FAM135A: variants seen among roughly 807,000 people sequenced by gnomAD.
FAM135A encodes the protein family with sequence similarity 135 member A, also known as protein FAM135A.
In FAM135A, 79 loss-of-function variants were observed where a neutral mutation model predicts 146.8. The ratio of observed to expected loss-of-function variants is 0.54; its 90% CI spans 0.45 to 0.65. The LOEUF (loss-of-function observed/expected upper bound fraction) is 0.65, where lower values mean the gene tolerates loss of function less well. FAM135A is among the 30% of genes least tolerant of loss of function. The pLI, the probability that FAM135A is intolerant of heterozygous loss-of-function variation, is 0.00. For missense variants in FAM135A, 1,623 were observed against 1,758.2 expected, an observed-to-expected ratio of 0.92 and a Z score of 1.38; for synonymous variants, 562 against 603.6, an observed-to-expected ratio of 0.93 and a Z score of 1.01.
rs1281557294 is a variant in FAM135A at position 70,538,835 on chromosome 6, A to ATTATATTATG, written c.4228+443_4228+444insGTTATATTAT. Among the ~76,000 whole-genome samples the ATTATATTATG allele has an allele frequency of 6.9e-3, 1,004 of 146,064 alleles. 10 individuals carry two copies. The highest frequency in any genetic ancestry group is 0.024 in the African/African-American group (948 of 39,842). On this transcript the variant is annotated intron_variant, in intron 20 of 21. Coordinates refer to ENST00000418814, the MANE Select transcript of FAM135A (RefSeq NM_001162529.3). ...ATTATATTATATTATATTATATTAT[A>ATTATATTATG]TTATATTATATTATATTATATTATA...
intron 4 of FAM135A, among the ~76,000 whole-genome samples, chr6:70,450,259 G>A (rs1776732209): frequency 6.6e-6 from 1 of 151,970 alleles, no homozygotes; most frequent in East Asian, 1.9e-4. Flanking sequence ...CTCTTCAGAA[G>A]CTTTTTAATT....
intron 12 of FAM135A, among the ~76,000 whole-genome samples, chr6:70,509,710 A>G (rs1382431225): frequency 6.6e-6 from 1 of 152,186 alleles, no homozygotes; most frequent in Non-Finnish European, 1.5e-5. Context: ...TTCCCATTTT[A>G]TAAAAGAAAT....
At chr6:70,439,482 CT>C (rs1173704186) in intron 4 of FAM135A, among the ~76,000 whole-genome samples, 3 of 152,068 alleles carry the variant, frequency 2.0e-5, no homozygotes. Flanking sequence ...CACTTTCAAC[CT>C]TTCTCTTTCC....
rs199715081 is a variant in FAM135A, at chr6:70,475,782, T to A, written c.368+49T>A. 15 of 1,399,366 alleles carry A rather than the reference T, an allele frequency of 1.1e-5. No homozygotes were observed. The East Asian group carries it at 3.2e-4, about 30-fold the overall frequency. The allele number at this position is 1,399,366 out of a possible 1,614,324, so 86.7% of individuals were successfully genotyped here. ...ACCTTTAGGCACTTATGACTGTTATTTGTTATTATTAGATTGCCCATTTTC... is the reference window on the plus strand; with the variant it reads ...ACCTTTAGGCACTTATGACTGTTATATGTTATTATTAGATTGCCCATTTTC... On this transcript the variant is annotated intron_variant, in intron 7 of 21. Transcript: ENST00000418814.
chr6:70,486,097 G>A (rs910973760), intron 10 of FAM135A: 3 of 1,358,812 alleles, frequency 2.2e-6, no homozygotes, highest in Middle Eastern at 1.8e-4. Flanking sequence ...TTAACAAGTT[G>A]GAAAATTCTA....
chr6:70,458,875 C>G (rs114213987), intron 5 of FAM135A, among the ~76,000 whole-genome samples: 3,114 of 152,212 alleles, frequency 0.02, 107 homozygotes, highest in African/African-American at 0.071. Context: ...ATATCCTTCC[C>G]TCAAAATTTC....
At chr6:70,524,215 GT>G (rs1794217785) in intron 14 of FAM135A, 94 bp downstream of exon 14, 1 of 1,402,840 alleles carries the variant, frequency 7.1e-7, no homozygotes, top group Non-Finnish European at 9.5e-7. Flanking sequence ...ATGTGGAATA[GT>G]TTTTTTCCCT....
intron 12 of FAM135A, among the ~76,000 whole-genome samples, chr6:70,510,952 G>A (rs529352715): frequency 6.6e-6 from 1 of 151,854 alleles, no homozygotes; most frequent in East Asian, 1.9e-4. Flanking sequence ...TTTTTGTTTT[G>A]GGGTTTTTAT....
chr6:70,473,162 A>G (rs1781944936), intron 5 of FAM135A, among the ~76,000 whole-genome samples: 2 of 152,150 alleles, frequency 1.3e-5, no homozygotes, highest in African/African-American at 2.4e-5. Flanking sequence ...ATTCTCTTCC[A>G]GCTAGCTTCT....
chr6:70,459,861 C>G (rs980451094), intron 5 of FAM135A, among the ~76,000 whole-genome samples: 27 of 152,252 alleles, frequency 1.8e-4, no homozygotes, highest in African/African-American at 5.5e-4. Context: ...AACCCCGTCT[C>G]TACGACAAAT....
intron 20 of FAM135A, among the ~76,000 whole-genome samples, chr6:70,552,171 A>G (rs995724607): frequency 6.6e-6 from 1 of 152,192 alleles, no homozygotes; most frequent in African/African-American, 2.4e-5. Context: ...CAATACTAAC[A>G]AACATCTGGC....
rs1394229449 is a variant in FAM135A, at chr6:70,525,207, T to C, written c.2123T>C (p.Ile708Thr). 1 of 1,598,018 alleles carries C rather than the reference T, an allele frequency of 6.3e-7. No homozygotes were observed. Among genetic ancestry groups the C allele is most frequent in the Non-Finnish European group, 8.5e-7 (1 of 1,174,730 alleles). ...SLESNGKSKS[I>T]EITFEKEALQ... is the part of the protein sequence containing the mutation. ...GAATCTAATGGTAAATCTAAATCTA[T>C]AGAAATAACATTTGAAAAGGAAGCT... The change falls in exon 15 of 22, where the codon ATA becomes ACA. Residue 708 changes from isoleucine to threonine, a missense_variant. Physicochemically the swap from Ile to Thr is moderately conservative, Grantham distance 89. Transcript: ENST00000418814.
intron 12 of FAM135A, among the ~76,000 whole-genome samples, chr6:70,507,860 C>T (rs570254913): frequency 1.3e-5 from 2 of 151,406 alleles, no homozygotes; most frequent in Non-Finnish European, 3.0e-5. Context: ...ACAGTTTACA[C>T]AAAAAGCAAA....
chr6:70,516,597 G>C (rs1003755998), intron 12 of FAM135A, among the ~76,000 whole-genome samples: 3 of 139,652 alleles, frequency 2.1e-5, no homozygotes, highest in Non-Finnish European at 4.5e-5. Flanking sequence ...GTGCAGTGGC[G>C]TGACCTCGGC....
chr6:70,536,345 A>G lies in FAM135A; in HGVS notation c.4051A>G (p.Thr1351Ala). ...TAAATATTACCTCAACAAACTTCATACCTTTCTGTCTCTTTCTGGACCTCA... is the reference window on the plus strand; with the variant it reads ...TAAATATTACCTCAACAAACTTCATGCCTTTCTGTCTCTTTCTGGACCTCA... ...RFKYYLNKLH[T>A]FLSLSGPHLG... The change falls in exon 19 of 22, where the codon ACC (threonine) becomes GCC (alanine). Residue 1351 changes from threonine to alanine, a missense_variant. By Grantham distance (58) the Thr-to-Ala change is moderately conservative (BLOSUM62 0). This residue lies in a region of FAM135A where 1,061 missense variants were observed against 1,113.8 expected (regional missense o/e 0.95). Coordinates refer to ENST00000418814, the MANE Select transcript of FAM135A (RefSeq NM_001162529.3). The G allele has an allele frequency of 6.2e-7, 1 of 1,613,418 alleles. No individual in the cohort carries two copies. The highest frequency in any genetic ancestry group is 8.5e-7 in the Non-Finnish European group (1 of 1,179,696).
In FAM135A at chr6:70,525,313, A is replaced by G. The variant is rs1393982932; in HGVS notation, c.2229A>G (p.Glu743=). ...ATCTACCTGCCCCTTCTACAAAAGAATATCATGTTGTAGTAAGTGGAGATA... is the reference window on the plus strand; with the variant it reads ...ATCTACCTGCCCCTTCTACAAAAGAGTATCATGTTGTAGTAAGTGGAGATA... ...RSNLPAPSTK[E]YHVVVSGDTI... Residue 743 remains glutamate, a synonymous_variant, in exon 15 of 22, where the codon GAA becomes GAG. Transcript: ENST00000418814. 2.5e-6 allele frequency: 4 copies of G among 1,610,582 alleles called. No individual in the cohort carries two copies. The highest frequency in any genetic ancestry group is 3.4e-6 in the Non-Finnish European group (4 of 1,178,674).
chr6:70,481,648 TAA>T (rs10718433), intron 9 of FAM135A, among the ~76,000 whole-genome samples: 1 of 131,464 alleles, frequency 7.6e-6, no homozygotes, highest in Non-Finnish European at 1.7e-5. Flanking sequence ...AAAAGAAAAT[TAA>T]AAAAAAAAAA....
chr6:70,451,621 T>G (rs1216736467), intron 4 of FAM135A, among the ~76,000 whole-genome samples: 1 of 152,180 alleles, frequency 6.6e-6, no homozygotes, highest in African/African-American at 2.4e-5. Context: ...TGCTATATCC[T>G]TTCCAAGATG....
At chr6:70,507,441 C>T (rs1790039072) in intron 12 of FAM135A, among the ~76,000 whole-genome samples, 1 of 152,148 alleles carries the variant, frequency 6.6e-6, no homozygotes, top group South Asian at 2.1e-4. Flanking sequence ...TGTCTGATAA[C>T]GAATTCAGAA....
Sources: gnomAD v4.1 joint callset for allele counts (sites outside exome capture counted in the v4.1 genomes callset) on GRCh38, gnomAD v4.1.1 for gene constraint, gnomAD v4.1.1 regional missense constraint, MANE v1.5 for transcripts, NCBI Gene and HGNC (gene_info 2026-07-23, HGNC 2026-07-21) for gene names.